Variants in RHOQ observed in about 807,000 individuals in gnomAD.
RHOQ encodes ras homolog family member Q.
In RHOQ, 7 loss-of-function variants were observed where a neutral mutation model predicts 25.8. The observed-to-expected ratio is 0.27, with a 90% CI of 0.15 to 0.51. RHOQ has a LOEUF of 0.51. Among genes scored for constraint, RHOQ ranks in the 20% least tolerant of loss-of-function variants. The pLI, the probability that RHOQ is intolerant of heterozygous loss-of-function variation, is 0.97. For missense variants in RHOQ, 165 were observed against 260.6 expected, an observed-to-expected ratio of 0.63 and a Z score of 2.53; for synonymous variants, 97 against 98.6, an observed-to-expected ratio of 0.98 and a Z score of 0.10.
In RHOQ at chr2:46,584,612, G is replaced by C. The variant is rs1001306241; in HGVS notation, c.*3529G>C. The stretch of plus-strand genomic sequence containing the variant: ...TGAAGGGTTACGGCTTGGAACACTT[G>C]GTTATTCATGTTATGTAAATCAAGA... On this transcript the variant is annotated 3_prime_UTR_variant, in exon 5 of 5. Coordinates refer to ENST00000238738, the MANE Select transcript of RHOQ (RefSeq NM_012249.4). Among the ~76,000 whole-genome samples, 18 of 152,070 alleles carry C rather than the reference G, an allele frequency of 1.2e-4. No homozygotes were observed. Among genetic ancestry groups the C allele is most frequent in the Admixed American group, 3.3e-4 (5 of 15,270 alleles).
chr2:46,546,076 T>G (rs903266318), intron 2 of RHOQ, among the ~76,000 whole-genome samples: 22 of 152,124 alleles, frequency 1.4e-4, no homozygotes, highest in African/African-American at 5.1e-4. Context: ...GCTAGTAATA[T>G]TTCATCTCCC....
chr2:46,566,939 C>T lies in RHOQ; in HGVS notation c.202-9148C>T, dbSNP rs1443542925. Among the ~76,000 whole-genome samples the T allele has an allele frequency of 6.6e-6, 1 of 152,176 alleles. No individual in the cohort carries two copies. The highest frequency in any genetic ancestry group is 6.5e-5 in the Admixed American group (1 of 15,278). The stretch of plus-strand genomic sequence containing the variant: ...CCTTCATAGCACCTGTCCCAATTTG[C>T]ATTTATAGTCATTTTTGTCCCAATT... On this transcript the variant is annotated intron_variant, in intron 2 of 4. Coordinates refer to ENST00000238738, the MANE Select transcript of RHOQ (RefSeq NM_012249.4). The surrounding 1 kb of genome is among the most constrained non-coding windows in gnomAD (Gnocchi z 4.2).
chr2:46,550,947 C>T (rs1187924816), intron 2 of RHOQ, among the ~76,000 whole-genome samples: 2 of 152,084 alleles, frequency 1.3e-5, no homozygotes, highest in East Asian at 3.9e-4. Flanking sequence ...AAATTGAGTG[C>T]TGCAGGGTCC....
chr2:46,545,492 TG>T (rs1668015872), intron 2 of RHOQ, among the ~76,000 whole-genome samples: 1 of 152,194 alleles, frequency 6.6e-6, no homozygotes, highest in East Asian at 1.9e-4. Context: ...TTCCTACATA[TG>T]GGGCCAGAGG....
At chr2:46,564,993 C>T (rs1178514628) in intron 2 of RHOQ, among the ~76,000 whole-genome samples, 3 of 152,182 alleles carry the variant, frequency 2.0e-5, no homozygotes, top group Non-Finnish European at 2.9e-5. Context: ...AGAGATAGGG[C>T]CAGTGAGTGG....
chr2:46,549,778 C>T (rs1031921757), intron 2 of RHOQ, among the ~76,000 whole-genome samples: 3 of 152,176 alleles, frequency 2.0e-5, no homozygotes, highest in Non-Finnish European at 4.4e-5. Flanking sequence ...AGGGGTCCCC[C>T]GGCTCCCTGG....
In RHOQ at chr2:46,569,631, A is replaced by G. The variant is rs1246381983; in HGVS notation, c.202-6456A>G. On this transcript the variant is annotated intron_variant, in intron 2 of 4. Coordinates refer to ENST00000238738, the MANE Select transcript of RHOQ (RefSeq NM_012249.4). The surrounding 1 kb of genome is among the most constrained non-coding windows in gnomAD (Gnocchi z 4.1). The stretch of plus-strand genomic sequence containing the variant: ...GGAAAGCACAATGGAAAAGAAGCCC[A>G]AGATCTAGTTCTCTAGCTCCTAAAT... 2 of 152,222 alleles carry G rather than the reference A, an allele frequency of 1.3e-5. No individual in the cohort carries two copies. Among genetic ancestry groups the G allele is most frequent in the African/African-American group, 4.8e-5 (2 of 41,460 alleles). 9.4% of individuals were successfully genotyped at this position (152,222 alleles called of 1,614,324 possible).
rs1361885481 is a variant in RHOQ at position 46,548,468 on chromosome 2, G to A, written c.201+4656G>A. On this transcript the variant is annotated intron_variant, in intron 2 of 4. Transcript: ENST00000238738. The surrounding 1 kb of genome is among the most constrained non-coding windows in gnomAD (Gnocchi z 5.2). Reference sequence around the variant, plus strand: ...AGTCATCCTCACAACACCCTTCAAGGTAGACTTCTCCCAGATGAGGAAATT... The same window carrying A: ...AGTCATCCTCACAACACCCTTCAAGATAGACTTCTCCCAGATGAGGAAATT... 6.6e-6 allele frequency among the ~76,000 whole-genome samples: 1 copy of A among 152,212 alleles called. No individual in the cohort carries two copies. The highest frequency in any genetic ancestry group is 1.9e-4 in the East Asian group (1 of 5,196).
chr2:46,559,631 CTCCTCCATTGATGGCAAACAGAAA>C (rs1183090219), intron 2 of RHOQ, among the ~76,000 whole-genome samples: 66 of 152,266 alleles, frequency 4.3e-4, no homozygotes, highest in African/African-American at 1.6e-3. Context: ...AGCAGCATCC[CTCCTCCATTGATGGCAAACAGAAA>C]TGTCTCCAGA....
Position 46,576,746 on chromosome 2 carries a change from C to T in RHOQ, c.462+90C>T, listed in dbSNP as rs1398662029. 4.7e-6 allele frequency: 4 copies of T among 860,016 alleles called. No homozygotes were observed. The highest frequency in any genetic ancestry group is 1.7e-5 in the South Asian group (1 of 58,536). 53.3% of individuals were successfully genotyped at this position (860,016 alleles called of 1,614,324 possible). A position where few individuals can be genotyped will look rare whatever the true frequency, so the allele number is the denominator to read the frequency against. On this transcript the variant is annotated intron_variant, in intron 4 of 4. Transcript: ENST00000238738. The surrounding 1 kb of genome is among the most constrained non-coding windows in gnomAD (Gnocchi z 5.1). ...ATTTTATTGTGTATTTACTGTGTGC[C>T]AGGTGGAGTGCTTTACATGCATTAT...
intron 2 of RHOQ, chr2:46,568,912 A>G (rs1416736269): frequency 1.3e-5 from 2 of 152,254 alleles, no homozygotes; most frequent in African/African-American, 2.4e-5. Flanking sequence ...AATTTGTGCC[A>G]AAAAGTTAGG....
At chr2:46,574,627 CCT>C (rs1414086642) in intron 2 of RHOQ, among the ~76,000 whole-genome samples, 1 of 152,064 alleles carries the variant, frequency 6.6e-6, no homozygotes, top group African/African-American at 2.4e-5. Flanking sequence ...TGGCATTTCC[CCT>C]GTCGTCATGT....
At chr2:46,570,864 T>G (rs1363421139) in intron 2 of RHOQ, among the ~76,000 whole-genome samples, 1 of 152,258 alleles carries the variant, frequency 6.6e-6, no homozygotes, top group Non-Finnish European at 1.5e-5. Flanking sequence ...TTGTTTCTCA[T>G]TCTAGGTTGT....
At chr2:46,543,675 G>A in intron 1 of RHOQ, 79 bp from the exon 2 acceptor site, 1 of 1,319,568 alleles carries the variant, frequency 7.6e-7, no homozygotes, top group Non-Finnish European at 1.1e-6. Flanking sequence ...GGAGAGGAGG[G>A]TCCGGGTGGG....
At chr2:46,561,128 CTG>C (rs201570998) in intron 2 of RHOQ, among the ~76,000 whole-genome samples, 9 of 149,182 alleles carry the variant, frequency 6.0e-5, no homozygotes, top group South Asian at 2.1e-4. Flanking sequence ...GTTTATATGT[CTG>C]TGTGTGTGTG....
In RHOQ at chr2:46,573,710, T is replaced by C. The variant is rs1243835021; in HGVS notation, c.202-2377T>C. Among the ~76,000 whole-genome samples, 3 of 152,376 alleles carry C rather than the reference T, an allele frequency of 2.0e-5. No individual in the cohort carries two copies. The East Asian group carries it at 5.8e-4, about 29-fold the overall frequency. On this transcript the variant is annotated intron_variant, in intron 2 of 4. Coordinates refer to ENST00000238738, the MANE Select transcript of RHOQ (RefSeq NM_012249.4). ...GAACATGGCATTCAATTAGTTTTTA[T>C]TTCTTGTCATCTCTCACTAGAGAAA... is the stretch of plus-strand genomic sequence containing the variant.
rs1299208460 is a variant in RHOQ, at chr2:46,543,800, C to T, written c.189C>T (p.Asp63=). ...AGCAGTACCTCCTAGGACTCTATGA[C>T]ACGGCCGGACAGGTGAGTGTCTTGG... ...GGKQYLLGLY[D]TAGQEDYDRL... is the part of the protein sequence containing the mutation. The change falls in exon 2 of 5, where the codon GAC becomes GAT. Residue 63 remains aspartate, a synonymous_variant. Coordinates refer to ENST00000238738, the MANE Select transcript of RHOQ (RefSeq NM_012249.4). 1 of 1,613,676 alleles carries T rather than the reference C, an allele frequency of 6.2e-7. No individual in the cohort carries two copies. Among genetic ancestry groups the T allele is most frequent in the Middle Eastern group, 1.7e-4 (1 of 6,060 alleles).
At chr2:46,547,144 A>C (rs567764421) in intron 2 of RHOQ, among the ~76,000 whole-genome samples, 9 of 152,234 alleles carry the variant, frequency 5.9e-5, no homozygotes, top group Non-Finnish European at 1.2e-4. Flanking sequence ...TTAAGATGGA[A>C]TGAGGCAGCT....
intron 2 of RHOQ, among the ~76,000 whole-genome samples, chr2:46,550,362 G>A (rs144556623): frequency 9.2e-5 from 14 of 152,330 alleles, no homozygotes. Context: ...TTCCAGGAAA[G>A]CTTCACTAAT....
Sources: allele counts gnomAD v4.1 joint callset (sites outside exome capture counted in the v4.1 genomes callset), GRCh38; gene constraint gnomAD v4.1.1; non-coding constraint Gnocchi (gnomAD v3.1); transcripts MANE v1.5; gene names NCBI Gene and HGNC (gene_info 2026-07-23, HGNC 2026-07-21).